ZNF148: variants seen among roughly 807,000 people sequenced by gnomAD.
ZNF148 encodes the protein Beta-Enolase Repressor Factor-1.
In ZNF148, 7 loss-of-function variants were observed where a neutral mutation model predicts 67.7. The ratio of observed to expected loss-of-function variants is 0.10; its 90% confidence interval spans 0.06 to 0.19. The LOEUF (loss-of-function observed/expected upper bound fraction) is 0.19. ZNF148 is among the 10% of genes least tolerant of loss of function. The pLI is 1.00. For missense variants in ZNF148, 583 were observed against 947.1 expected, an observed-to-expected ratio of 0.62 and a Z score of 5.05; for synonymous variants, 333 against 330.7, an observed-to-expected ratio of 1.01 and a Z score of -0.08.
chr3:125,290,873 G>C (rs1938972927), intron 4 of ZNF148, among the ~76,000 whole-genome samples: 1 of 152,250 alleles, frequency 6.6e-6, no homozygotes, highest in African/African-American at 2.4e-5. Context: ...TGAAATAACT[G>C]CATCAGGCTT....
chr3:125,307,096 A>T (rs1487373273), intron 4 of ZNF148, among the ~76,000 whole-genome samples: 1 of 152,138 alleles, frequency 6.6e-6, no homozygotes, highest in Non-Finnish European at 1.5e-5. Flanking sequence ...TCTCTCATAA[A>T]CATACAAATG....
chr3:125,356,804 GTT>G (rs1942357836), intron 1 of ZNF148, among the ~76,000 whole-genome samples: 1 of 152,162 alleles, frequency 6.6e-6, no homozygotes, highest in Admixed American at 6.5e-5. Context: ...CGTAAAAGGT[GTT>G]TCACAAAGTC....
chr3:125,305,437 A>T (rs112412684), intron 4 of ZNF148, among the ~76,000 whole-genome samples: 169 of 152,314 alleles, frequency 1.1e-3, no homozygotes, highest in Non-Finnish European at 2.1e-3. Context: ...TGGCTAACAA[A>T]CTTTAACTGC....
intron 1 of ZNF148, among the ~76,000 whole-genome samples, chr3:125,365,249 T>C (rs900754839): frequency 1.3e-5 from 2 of 152,136 alleles, no homozygotes; most frequent in African/African-American, 4.8e-5. Flanking sequence ...TGGCAGTCCA[T>C]TGCATACAGT....
chr3:125,311,910 C>A (rs1940234553), intron 4 of ZNF148, among the ~76,000 whole-genome samples: 1 of 152,122 alleles, frequency 6.6e-6, no homozygotes, highest in Non-Finnish European at 1.5e-5. Flanking sequence ...ATCAGATAAT[C>A]TGAAGAGACC....
intron 7 of ZNF148, among the ~76,000 whole-genome samples, chr3:125,242,511 C>CT (rs1288633039): frequency 6.6e-6 from 1 of 152,114 alleles, no homozygotes; most frequent in Non-Finnish European, 1.5e-5. Context: ...ATCCCAGCTA[C>CT]TTGGGAGGCT....
At chr3:125,309,275 G>A (rs2107665924) in intron 4 of ZNF148, among the ~76,000 whole-genome samples, 1 of 152,238 alleles carries the variant, frequency 6.6e-6, no homozygotes, top group Non-Finnish European at 1.5e-5. Context: ...AAAAAAATCT[G>A]ATTGCCTACT....
chr3:125,320,212 T>C (rs986555960), intron 3 of ZNF148, among the ~76,000 whole-genome samples: 1 of 152,222 alleles, frequency 6.6e-6, no homozygotes, highest in Non-Finnish European at 1.5e-5. Context: ...AAAATCTCTC[T>C]ACCTTCCCAT....
At chr3:125,287,559 A>C (rs1042546176) in intron 5 of ZNF148, among the ~76,000 whole-genome samples, 2 of 152,176 alleles carry the variant, frequency 1.3e-5, no homozygotes, top group African/African-American at 2.4e-5. Flanking sequence ...GGATCCCTTG[A>C]GACTGGGAGA....
chr3:125,328,998 G>GATATATATAT (rs10565589), intron 2 of ZNF148, among the ~76,000 whole-genome samples: 3 of 147,424 alleles, frequency 2.0e-5, no homozygotes, highest in African/African-American at 7.4e-5. Flanking sequence ...TTATACTACT[G>GATATATATAT]ATATATATAT....
At chr3:125,240,432 GTTTA>G in intron 7 of ZNF148, among the ~76,000 whole-genome samples, 1 of 152,244 alleles carries the variant, frequency 6.6e-6, no homozygotes, top group Middle Eastern at 3.4e-3. Context: ...ATAATTAACA[GTTTA>G]TTTAACTAAA....
intron 1 of ZNF148, among the ~76,000 whole-genome samples, chr3:125,334,595 A>C (rs377649286): frequency 5.9e-5 from 9 of 152,338 alleles, no homozygotes; most frequent in African/African-American, 1.4e-4. Context: ...CTAGGACACT[A>C]CAGGTATTAA....
chr3:125,348,305 A>G (rs979012264), intron 1 of ZNF148, among the ~76,000 whole-genome samples: 1 of 151,906 alleles, frequency 6.6e-6, no homozygotes, highest in Non-Finnish European at 1.5e-5. Context: ...TATAAGTAAC[A>G]GGTGAAGCTT....
At chr3:125,293,057 A>G (rs1939098670) in intron 4 of ZNF148, among the ~76,000 whole-genome samples, 1 of 152,218 alleles carries the variant, frequency 6.6e-6, no homozygotes, top group Non-Finnish European at 1.5e-5. Context: ...TTACATGCTA[A>G]CATGTAGTAA....
chr3:125,366,443 C>T (rs182100562), intron 1 of ZNF148, among the ~76,000 whole-genome samples: 28 of 152,328 alleles, frequency 1.8e-4, no homozygotes, highest in African/African-American at 6.3e-4. Flanking sequence ...GAACTCTCTG[C>T]GTTCCAAACT....
chr3:125,299,802 TTAGA>T (rs1262160333), intron 4 of ZNF148, among the ~76,000 whole-genome samples: 1 of 152,232 alleles, frequency 6.6e-6, no homozygotes, highest in Non-Finnish European at 1.5e-5. Context: ...ATGATTGCTG[TTAGA>T]TAATACACTT....
intron 1 of ZNF148, among the ~76,000 whole-genome samples, chr3:125,364,341 G>A (rs2107788028): frequency 6.6e-6 from 1 of 152,334 alleles, no homozygotes; most frequent in South Asian, 2.1e-4. Flanking sequence ...GGAGGTTGCA[G>A]TGAGCAGACA....
At chr3:125,346,032 GA>G (rs1245913589) in intron 1 of ZNF148, among the ~76,000 whole-genome samples, 1 of 152,026 alleles carries the variant, frequency 6.6e-6, no homozygotes, top group African/African-American at 2.4e-5. Flanking sequence ...CACAAGAAAA[GA>G]AAATGACAAG....
chr3:125,240,431 AGTTT>A (rs1022595502), intron 7 of ZNF148, among the ~76,000 whole-genome samples: 8 of 152,200 alleles, frequency 5.3e-5, no homozygotes, highest in Non-Finnish European at 7.3e-5. Flanking sequence ...AATAATTAAC[AGTTT>A]ATTTAACTAA....
Sources: allele counts gnomAD v4.1 joint callset (sites outside exome capture counted in the v4.1 genomes callset), GRCh38; gene constraint gnomAD v4.1.1; transcripts MANE v1.5; gene names NCBI Gene and HGNC (gene_info 2026-07-23, HGNC 2026-07-21).